Variants in NLRP1 observed in about 807,000 individuals in gnomAD.
The protein encoded by NLRP1 is NACHT, LRR and PYD domains-containing protein 1.
In NLRP1, 94 loss-of-function variants were observed where a neutral mutation model predicts 136.7. The observed-to-expected ratio is 0.69, with a 90% confidence interval of 0.58 to 0.82. The LOEUF (loss-of-function observed/expected upper bound fraction) is 0.82, where lower values mean the gene tolerates loss of function less well. Ranked by LOEUF, NLRP1 falls within the 40% of genes least tolerant of loss-of-function variation. The pLI is 0.00. For synonymous variants in NLRP1, 690 were observed against 725.1 expected, an observed-to-expected ratio of 0.95 and a Z score of 0.78; for missense variants, 1,575 against 1,802.7, an observed-to-expected ratio of 0.87 and a Z score of 2.29.
chr17:5,517,701 T>G (rs763995045), intron 15 of NLRP1, 45 bp downstream of exon 15: 3 of 1,609,626 alleles, frequency 1.9e-6, no homozygotes, highest in Non-Finnish European at 2.5e-6. Context: ...ATTGATTTTC[T>G]TTCTCCTCCC....
chr17:5,516,763 G>A (rs1390563281), intron 15 of NLRP1, among the ~76,000 whole-genome samples: 2 of 152,198 alleles, frequency 1.3e-5, no homozygotes, highest in Admixed American at 6.5e-5. Context: ...TGAAGCTGGG[G>A]CTGGTTAGTT....
At chr17:5,546,783 A>T (rs1197953763) in intron 5 of NLRP1, among the ~76,000 whole-genome samples, 2 of 152,238 alleles carry the variant, frequency 1.3e-5, no homozygotes, top group Non-Finnish European at 2.9e-5. Flanking sequence ...GGTAAATAAA[A>T]AAAGAGAAAT....
intron 9 of NLRP1, among the ~76,000 whole-genome samples, chr17:5,533,670 T>C (rs1484815223): frequency 6.7e-6 from 1 of 148,426 alleles, no homozygotes; most frequent in Non-Finnish European, 1.5e-5. Context: ...ATACATGCCA[T>C]AGACGTTCTG....
At chr17:5,501,947 G>C in intron 15 of NLRP1, 1 of 1,332,922 alleles carries the variant, frequency 7.5e-7, no homozygotes, top group Non-Finnish European at 1.1e-6. Context: ...GGCCGGCTTT[G>C]TTAGTTGCAG....
intron 4 of NLRP1, 100 bp from the exon 5 acceptor site, chr17:5,553,656 A>G (rs748538102): frequency 8.4e-6 from 9 of 1,074,828 alleles, no homozygotes; most frequent in Non-Finnish European, 1.1e-5. Flanking sequence ...CCCCCTGAGC[A>G]CCAGGCCACA....
chr17:5,520,805 G>T, intron 14 of NLRP1, 76 bp downstream of exon 14: 1 of 1,353,516 alleles, frequency 7.4e-7, no homozygotes, highest in Non-Finnish European at 9.9e-7. Flanking sequence ...AGAAAGCCCT[G>T]AGACCTGCCC....
Position 5,537,030 on chromosome 17 carries a change from C to T in NLRP1, c.2871-90G>A. On this transcript the variant is annotated intron_variant, in intron 7 of 16. Transcript: ENST00000572272. This position sits in a 1 kb window ranked among gnomAD's most constrained non-coding sequence, Gnocchi z 4.5. ...CCAGAATCCTGGGACCTGTCACCTT[C>T]TGAGGCAGCGGCCGCAGGGTGGGTT... 1.1e-6 allele frequency: 1 copy of T among 903,394 alleles called. No individual in the cohort carries two copies. The highest frequency in any genetic ancestry group is 1.8e-6 in the Non-Finnish European group (1 of 548,906). The allele number at this position is 903,394 out of a possible 1,614,324, so 56.0% of individuals were successfully genotyped here. A position where few individuals can be genotyped will look rare whatever the true frequency, so the allele number is the denominator to read the frequency against.
chr17:5,501,436 A>G, exon 16 of NLRP1: 1 of 173,064 alleles, frequency 5.8e-6, no homozygotes, highest in South Asian at 1.3e-4. Context: ...TGAAAAAGCT[A>G]ACACATCATC....
intron 3 of NLRP1, among the ~76,000 whole-genome samples, chr17:5,577,062 G>T (rs534333500): frequency 1.5e-4 from 23 of 152,204 alleles, no homozygotes; most frequent in Middle Eastern, 3.4e-3. Context: ...AAATTCAACA[G>T]CCCTACATGC....
At chr17:5,533,811 G>T in intron 9 of NLRP1, 86 bp downstream of exon 9, 1 of 890,476 alleles carries the variant, frequency 1.1e-6, no homozygotes, top group Non-Finnish European at 1.8e-6. Context: ...CCACATCAGG[G>T]GCAGAGGGAT....
intron 3 of NLRP1, among the ~76,000 whole-genome samples, chr17:5,579,531 G>A (rs1003886796): frequency 1.3e-5 from 2 of 152,138 alleles, no homozygotes; most frequent in African/African-American, 2.4e-5. Flanking sequence ...AAGGAATTTC[G>A]CGATTTGCCA....
chr17:5,558,245 C>T lies in NLRP1; in HGVS notation c.2357+94G>A, dbSNP rs926419943. The T allele has an allele frequency of 1.7e-5, 24 of 1,397,530 alleles. No homozygotes were observed. In the Admixed American group the frequency reaches 2.0e-4, roughly 12 times the overall value. 86.6% of individuals were successfully genotyped at this position (1,397,530 alleles called of 1,614,324 possible). ...CTGATCCTTTAGCCACCCCCACCCC[C>T]GGCCAGGCTCAGTGAGCATGCCTCT... On this transcript the variant is annotated intron_variant, in intron 4 of 16. Transcript: ENST00000572272.
chr17:5,561,243 T>C (rs138515321), intron 3 of NLRP1, among the ~76,000 whole-genome samples: 2 of 152,118 alleles, frequency 1.3e-5, no homozygotes, highest in South Asian at 2.1e-4. Flanking sequence ...TTTGTAGAGA[T>C]GGGGTTTCAC....
intron 12 of NLRP1, among the ~76,000 whole-genome samples, chr17:5,523,712 G>A (rs1225264186): frequency 1.3e-5 from 2 of 152,204 alleles, no homozygotes; most frequent in African/African-American, 4.8e-5. Flanking sequence ...GGTAACTGCT[G>A]CAATGCAAGT....
downstream of NLRP1, chr17:5,512,342 C>A: frequency 7.5e-7 from 1 of 1,327,492 alleles, no homozygotes; most frequent in Non-Finnish European, 1.1e-6. Context: ...TCTACTTTAG[C>A]CTTACACTTG....
intron 3 of NLRP1, among the ~76,000 whole-genome samples, chr17:5,573,674 T>G (rs139567424): frequency 0.016 from 2,394 of 152,344 alleles, 57 homozygotes; most frequent in African/African-American, 0.055. Flanking sequence ...TCGCTGTTCT[T>G]CAGCCTCTGC....
chr17:5,552,084 C>CTTTTTTTTTTTTTTT (rs71151872), intron 5 of NLRP1, among the ~76,000 whole-genome samples: 1 of 96,672 alleles, frequency 1.0e-5, no homozygotes, highest in Non-Finnish European at 1.8e-5. Flanking sequence ...TCTATCTTTC[C>CTTTTTTTTTTTTTTT]TTTTTTTTTT....
intron 7 of NLRP1, 49 bp downstream of exon 7, chr17:5,539,366 C>G (rs542333004): frequency 1.3e-6 from 2 of 1,518,118 alleles, no homozygotes. Flanking sequence ...CTGTCCGATA[C>G]CCCCCCAACC....
intron 12 of NLRP1, among the ~76,000 whole-genome samples, chr17:5,522,085 A>C (rs944550388): frequency 1.3e-5 from 2 of 152,232 alleles, no homozygotes; most frequent in Non-Finnish European, 2.9e-5. Context: ...TCGGCCTCCC[A>C]AAGTGCTGGG....
Sources: allele counts gnomAD v4.1 joint callset (sites outside exome capture counted in the v4.1 genomes callset), GRCh38; gene constraint gnomAD v4.1.1; non-coding constraint Gnocchi (gnomAD v3.1); transcripts MANE v1.5; gene names NCBI Gene and HGNC (gene_info 2026-07-23, HGNC 2026-07-21).